Variants in CENPP observed in about 807,000 individuals in gnomAD.
CENPP encodes centromere protein P.
In CENPP, 24 loss-of-function variants were observed where a neutral mutation model predicts 35.6. The ratio of observed to expected loss-of-function variants is 0.67; its 90% CI spans 0.49 to 0.95. CENPP has a LOEUF of 0.95. Ranked by LOEUF, CENPP falls within the 40% of genes least tolerant of loss-of-function variation. CENPP has a pLI of 0.00. For missense variants in CENPP, 332 were observed against 345.3 expected (o/e 0.96, Z 0.31); for synonymous variants, 120 against 125.5 (o/e 0.96, Z 0.29).
rs1850452978 is a variant in CENPP at position 92,582,583 on chromosome 9, T to A, written c.565-28731T>A. On this transcript the variant is annotated intron_variant, in intron 5 of 7. Transcript: ENST00000375587. Reference sequence around the variant, plus strand: ...GAAAAAATAATGTGGAGCCTGATTCTGCCCTCTCTTTTATTATCTGTGTTC... The same window carrying A: ...GAAAAAATAATGTGGAGCCTGATTCAGCCCTCTCTTTTATTATCTGTGTTC... 3.3e-5 allele frequency among the ~76,000 whole-genome samples: 5 copies of A among 152,056 alleles called. No individual in the cohort carries two copies. In the South Asian group the frequency reaches 1.0e-3, roughly 32 times the overall value.
At chr9:92,325,788 T>G (rs971287240), upstream of CENPP, 1 of 534,536 alleles carries the variant, frequency 1.9e-6, no homozygotes, top group Non-Finnish European at 3.3e-6. Flanking sequence ...CAGGGAAACG[T>G]GTGCGGGGAA....
intron 5 of CENPP, among the ~76,000 whole-genome samples, chr9:92,503,953 G>A (rs540017289): frequency 2.6e-5 from 4 of 152,314 alleles, no homozygotes; most frequent in East Asian, 1.9e-4. Flanking sequence ...AGAAGGATTT[G>A]TAGTATGTGC....
At chr9:92,393,559 A>G (rs1369093483) in intron 5 of CENPP, among the ~76,000 whole-genome samples, 1 of 152,228 alleles carries the variant, frequency 6.6e-6, no homozygotes, top group East Asian at 1.9e-4. Context: ...AGCTTGACTT[A>G]TTAAGTTTAA....
At chr9:92,551,348 T>C (rs190408943) in intron 5 of CENPP, among the ~76,000 whole-genome samples, 227 of 152,206 alleles carry the variant, frequency 1.5e-3, no homozygotes, top group Middle Eastern at 3.4e-3. Context: ...TGATGCTTTT[T>C]GTTTTTTGAG....
intron 5 of CENPP, among the ~76,000 whole-genome samples, chr9:92,552,516 G>T (rs1042229314): frequency 7.9e-5 from 12 of 151,880 alleles, no homozygotes; most frequent in Non-Finnish European, 1.2e-4. Context: ...ACTGTTTTTT[G>T]ATTTTTTTAT....
chr9:92,554,731 G>A (rs1388983250), intron 5 of CENPP, among the ~76,000 whole-genome samples: 7 of 152,014 alleles, frequency 4.6e-5, no homozygotes, highest in East Asian at 1.9e-4. Flanking sequence ...TCCGCTGCCC[G>A]GCTTCAAGCA....
At chr9:92,578,581 G>T (rs1192318796) in intron 5 of CENPP, among the ~76,000 whole-genome samples, 1 of 152,166 alleles carries the variant, frequency 6.6e-6, no homozygotes, top group Admixed American at 6.5e-5. Flanking sequence ...TGTGTCTGTT[G>T]GCTGCATAAA....
rs1343679095 is a variant in CENPP at position 92,617,085 on chromosome 9, A to C, written c.*3936A>C. The C allele has an allele frequency of 1.3e-5, 2 of 152,240 alleles. No homozygotes were observed. The highest frequency in any genetic ancestry group is 2.9e-5 in the Non-Finnish European group (2 of 68,076). The allele number at this position is 152,240 out of a possible 1,614,324, so 9.4% of individuals were successfully genotyped here. ...AATCCCTGACTAAGCTGCTGGGGTA[A>C]GTAACTATTCTCATCTGAAGAGTAA... On this transcript the variant is annotated 3_prime_UTR_variant, in exon 8 of 8. Coordinates refer to ENST00000375587, the MANE Select transcript of CENPP (RefSeq NM_001012267.3).
At chr9:92,523,041 A>G (rs1848175978) in intron 5 of CENPP, 1 of 819,376 alleles carries the variant, frequency 1.2e-6, no homozygotes, top group Admixed American at 3.5e-5. Flanking sequence ...TATTATTGCC[A>G]AATCATAATT....
At chr9:92,606,834 G>A (rs1851094996) in intron 5 of CENPP, among the ~76,000 whole-genome samples, 1 of 152,088 alleles carries the variant, frequency 6.6e-6, no homozygotes, top group Non-Finnish European at 1.5e-5. Context: ...AACCCAGGAG[G>A]TGCCTATAGT....
intron 5 of CENPP, among the ~76,000 whole-genome samples, chr9:92,527,735 A>T (rs1215045157): frequency 6.6e-6 from 1 of 152,002 alleles, no homozygotes; most frequent in Non-Finnish European, 1.5e-5. Flanking sequence ...GTCTTGGCAA[A>T]TATTGTGATT....
At chr9:92,610,899 C>T (rs1851219275) in intron 5 of CENPP, 4 of 217,706 alleles carry the variant, frequency 1.8e-5, no homozygotes, top group South Asian at 6.7e-5. Flanking sequence ...ATGCTAAAAC[C>T]GTGAGAAAAC....
chr9:92,443,166 A>G (rs997800400), intron 5 of CENPP, among the ~76,000 whole-genome samples: 5 of 152,226 alleles, frequency 3.3e-5, no homozygotes, highest in Non-Finnish European at 7.3e-5. Flanking sequence ...AAATCCCAAA[A>G]GAATATACAA....
chr9:92,440,646 C>T (rs556438709), intron 5 of CENPP, among the ~76,000 whole-genome samples: 1 of 152,268 alleles, frequency 6.6e-6, no homozygotes, highest in Non-Finnish European at 1.5e-5. Context: ...GAAAAAGAAA[C>T]TAGTTTAGTT....
At chr9:92,470,759 G>T in intron 5 of CENPP, 1 of 1,594,654 alleles carries the variant, frequency 6.3e-7, no homozygotes, top group South Asian at 1.2e-5. Flanking sequence ...CAAATGGAAT[G>T]TTGGTTGGGA....
At chr9:92,499,390 A>G (rs939632264) in intron 5 of CENPP, among the ~76,000 whole-genome samples, 2 of 152,218 alleles carry the variant, frequency 1.3e-5, no homozygotes, top group African/African-American at 4.8e-5. Context: ...AATTCCAGCT[A>G]ATGAGCATGA....
intron 5 of CENPP, among the ~76,000 whole-genome samples, chr9:92,564,776 C>T (rs1042935858): frequency 6.6e-6 from 1 of 152,150 alleles, no homozygotes; most frequent in African/African-American, 2.4e-5. Context: ...ACAGAAATTA[C>T]AGGAACCAAA....
At chr9:92,509,990 C>G (rs754430190) in intron 5 of CENPP, 23 of 1,608,358 alleles carry the variant, frequency 1.4e-5, no homozygotes, top group Non-Finnish European at 2.0e-5. Context: ...GAATCTGTAT[C>G]AAATTATTTC....
chr9:92,488,325 T>C (rs1035574353), intron 5 of CENPP, among the ~76,000 whole-genome samples: 10 of 152,204 alleles, frequency 6.6e-5, no homozygotes, highest in African/African-American at 2.4e-4. Context: ...ACTTTAACTC[T>C]TTGATTTATC....
Sources: allele counts gnomAD v4.1 joint callset (sites outside exome capture counted in the v4.1 genomes callset), GRCh38; gene constraint gnomAD v4.1.1; transcripts MANE v1.5; gene names NCBI Gene and HGNC (gene_info 2026-07-23, HGNC 2026-07-21).